Variants in NUP153 observed in about 807,000 individuals in gnomAD.
NUP153 encodes the protein nucleoporin 153, also known as nuclear pore complex protein Nup153.
Under a neutral mutation model 134.6 loss-of-function variants are expected in NUP153, and 27 were observed. That is an observed-to-expected ratio of 0.20 (90% CI 0.15 to 0.28). The LOEUF is 0.28. Ranked by LOEUF, NUP153 falls within the 10% of genes least tolerant of loss-of-function variation. The probability of loss-of-function intolerance (pLI) is 1.00; values close to 1 mark genes in which losing one functional copy is unlikely to be tolerated. For synonymous variants in NUP153, 640 were observed against 623.5 expected (o/e 1.03, Z -0.40); for missense variants, 1,821 against 1,731.3 (o/e 1.05, Z -0.92).
In NUP153 at chr6:17,661,685, G is replaced by T; in HGVS notation, c.1363C>A (p.Arg455Ser). ...TCCAGAGGTTTAGAAGCAACAAAGC[G>T]TGTTCTTTCTCGTCTCATCTTGCCA... ...GGGKMRRERTRFVASKPLEEE... is the reference protein window; with the variant it reads ...GGGKMRRERTSFVASKPLEEE... Residue 455 changes from arginine (R) to serine (S), a missense_variant, in exon 11 of 22, where the codon CGC (arginine) becomes AGC (serine). By Grantham distance (110) the Arg-to-Ser change is moderately radical. Transcript: ENST00000262077. 6.2e-7 allele frequency: 1 copy of T among 1,613,820 alleles called. No individual in the cohort carries two copies. Among genetic ancestry groups the T allele is most frequent in the East Asian group, 2.2e-5 (1 of 44,858 alleles).
intron 14 of NUP153, among the ~76,000 whole-genome samples, chr6:17,642,957 A>G (rs982583069): frequency 6.6e-6 from 1 of 152,240 alleles, no homozygotes; most frequent in Non-Finnish European, 1.5e-5. Context: ...TACATGACAT[A>G]TTCAGAATAA....
At chr6:17,682,081 G>C (rs1314909182) in intron 2 of NUP153, among the ~76,000 whole-genome samples, 1 of 152,144 alleles carries the variant, frequency 6.6e-6, no homozygotes, top group Non-Finnish European at 1.5e-5. Flanking sequence ...ATGGCAGCAC[G>C]CTCTTGTAGT....
chr6:17,706,122 C>T lies in NUP153; in HGVS notation c.111+155G>A, dbSNP rs1770474697. On this transcript the variant is annotated intron_variant, in intron 1 of 21. Transcript: ENST00000262077. This position sits in a 1 kb window ranked among gnomAD's most constrained non-coding sequence, Gnocchi z 5.9. Reference sequence around the variant, plus strand: ...CCTGTCTCAGCCCACTTCCCGTCGCCACCCCCAACGGCCTGAGCTCCCCCG... The same window carrying T: ...CCTGTCTCAGCCCACTTCCCGTCGCTACCCCCAACGGCCTGAGCTCCCCCG... The T allele has an allele frequency of 1.6e-6, 1 of 638,246 alleles. No homozygotes were observed. The highest frequency in any genetic ancestry group is 2.8e-5 in the East Asian group (1 of 35,614). The allele number at this position is 638,246 out of a possible 1,614,324, so 39.5% of individuals were successfully genotyped here.
chr6:17,670,212 C>T (rs1041168529), intron 5 of NUP153, among the ~76,000 whole-genome samples: 7 of 151,862 alleles, frequency 4.6e-5, no homozygotes, highest in African/African-American at 1.5e-4. Flanking sequence ...TACTGTCCTC[C>T]ACCAACACTC....
chr6:17,682,374 T>C (rs755542464), intron 2 of NUP153, among the ~76,000 whole-genome samples: 3 of 152,136 alleles, frequency 2.0e-5, no homozygotes, highest in Admixed American at 1.3e-4. Flanking sequence ...GAAGGCTGGG[T>C]TGGTTGTAGC....
chr6:17,682,589 T>C (rs1768654903), intron 2 of NUP153, among the ~76,000 whole-genome samples: 1 of 152,172 alleles, frequency 6.6e-6, no homozygotes, highest in East Asian at 1.9e-4. Context: ...CTTAAAAATG[T>C]GCACAGTATC....
chr6:17,699,153 T>C (rs576805769), intron 1 of NUP153, among the ~76,000 whole-genome samples: 45 of 151,912 alleles, frequency 3.0e-4, no homozygotes, highest in African/African-American at 1.1e-3. Context: ...TAAAAATATA[T>C]TACAACCATG....
intron 18 of NUP153, among the ~76,000 whole-genome samples, chr6:17,626,427 C>T (rs1215434456): frequency 6.6e-6 from 1 of 152,132 alleles, no homozygotes; most frequent in African/African-American, 2.4e-5. Context: ...AAATACACCT[C>T]GAATCCAAAT....
chr6:17,692,647 C>G (rs1000510346), intron 1 of NUP153, among the ~76,000 whole-genome samples: 2 of 152,012 alleles, frequency 1.3e-5, no homozygotes, highest in Non-Finnish European at 2.9e-5. Flanking sequence ...GTTAAATGAC[C>G]CTAAGTCATT....
chr6:17,674,922 G>T lies in NUP153; in HGVS notation c.835C>A (p.Arg279=), dbSNP rs763280033. ...AAAAVRQSKL[R]NTPYQAPVRR... Reference sequence around the variant, plus strand: ...GAACCTACCTGATAAGGTGTATTTCGTAGTTTAGACTGTCTTACAGCAGCT... The same window carrying T: ...GAACCTACCTGATAAGGTGTATTTCTTAGTTTAGACTGTCTTACAGCAGCT... Residue 279 remains arginine (R), a synonymous_variant, in exon 5 of 22, where the codon CGA becomes AGA. Transcript: ENST00000262077. The T allele has an allele frequency of 3.7e-6, 6 of 1,608,722 alleles. No individual in the cohort carries two copies. The highest frequency in any genetic ancestry group is 1.7e-4 in the Middle Eastern group (1 of 6,056).
intron 16 of NUP153, 97 bp downstream of exon 16, chr6:17,637,056 G>GT: frequency 8.4e-7 from 1 of 1,194,056 alleles, no homozygotes. Flanking sequence ...TATGAGAAAT[G>GT]CTCATCCTGA....
intron 2 of NUP153, among the ~76,000 whole-genome samples, chr6:17,683,920 G>A (rs111852985): frequency 0.014 from 2,123 of 152,234 alleles, 59 homozygotes; most frequent in African/African-American, 0.048. Context: ...GTTGGAAGTG[G>A]GGTCATGGGA....
chr6:17,700,575 C>T (rs1020353894), intron 1 of NUP153, among the ~76,000 whole-genome samples: 79 of 152,240 alleles, frequency 5.2e-4, no homozygotes, highest in African/African-American at 1.8e-3. Flanking sequence ...TTTAAATATT[C>T]GACCTCTAAA....
chr6:17,630,695 G>C (rs2113774829), intron 17 of NUP153, among the ~76,000 whole-genome samples: 1 of 145,874 alleles, frequency 6.9e-6, no homozygotes, highest in South Asian at 2.3e-4. Flanking sequence ...GAGGAGAGCA[G>C]AGGAGACGGG....
intron 12 of NUP153, 56 bp downstream of exon 12, chr6:17,649,107 A>C (rs1050754147): frequency 6.9e-7 from 1 of 1,454,126 alleles, no homozygotes; most frequent in East Asian, 2.4e-5. Context: ...GGTTTTTTTT[A>C]AATAAAGAAT....
At chr6:17,683,710 T>C (rs981152090) in intron 2 of NUP153, among the ~76,000 whole-genome samples, 6 of 151,238 alleles carry the variant, frequency 4.0e-5, no homozygotes, top group Non-Finnish European at 8.9e-5. Context: ...CAGTCACCAG[T>C]TGCATTAACC....
In NUP153 at chr6:17,624,766, C is replaced by G; in HGVS notation, c.3969G>C (p.Gln1323His). The G allele has an allele frequency of 6.2e-7, 1 of 1,614,138 alleles. No individual in the cohort carries two copies. The highest frequency in any genetic ancestry group is 8.5e-7 in the Non-Finnish European group (1 of 1,180,018). ...CTTGACTTTGTCCAAATGTTGGGGT[C>G]TGGTTAGCACCAAATGCTGGACTGG... is the stretch of plus-strand genomic sequence containing the variant. ...PSASPAFGAN[Q>H]TPTFGQSQGA... The change falls in exon 20 of 22, where the codon CAG becomes CAC. Residue 1323 changes from glutamine (Q) to histidine (H), a missense_variant. By Grantham distance (24) the Gln-to-His change is conservative. Transcript: ENST00000262077.
chr6:17,703,151 T>TCGAG lies in NUP153; in HGVS notation c.111+3122_111+3125dup, dbSNP rs781579969. ...AGGCAAAGGTTGCAGTGAGCCAAGATCGAGCCACTGCACTCCAGCCTGGGC... is the reference window on the plus strand; with the variant it reads ...AGGCAAAGGTTGCAGTGAGCCAAGATCGAGCGAGCCACTGCACTCCAGCCTGGGC... On this transcript the variant is annotated intron_variant, in intron 1 of 21. Transcript: ENST00000262077. Among the ~76,000 whole-genome samples the TCGAG allele has an allele frequency of 3.9e-4, 55 of 139,334 alleles. No individual in the cohort carries two copies. In the East Asian group the frequency reaches 1.0e-2, roughly 25 times the overall value. The allele number at this position is 139,334 out of a possible 152,430, so 91.4% of individuals were successfully genotyped here.
At chr6:17,684,324 C>T (rs76852012) in intron 2 of NUP153, among the ~76,000 whole-genome samples, 4,612 of 152,304 alleles carry the variant, frequency 0.03, 173 homozygotes, top group African/African-American at 0.087. Flanking sequence ...GTTGCTTCAC[C>T]TTGCCCTTTT....
Sources: allele counts gnomAD v4.1 joint callset (sites outside exome capture counted in the v4.1 genomes callset), GRCh38; gene constraint gnomAD v4.1.1; non-coding constraint Gnocchi (gnomAD v3.1); transcripts MANE v1.5; gene names NCBI Gene and HGNC (gene_info 2026-07-23, HGNC 2026-07-21).